TMEM132B: variants seen among roughly 807,000 people sequenced by gnomAD.
TMEM132B encodes transmembrane protein 132B.
TMEM132B carries 18 observed loss-of-function variants against 90.8 expected under a neutral mutation model. The ratio of observed to expected loss-of-function variants is 0.20; its 90% confidence interval spans 0.14 to 0.29. The LOEUF (loss-of-function observed/expected upper bound fraction) is 0.29. TMEM132B is among the 10% of genes least tolerant of loss of function. The pLI is 1.00. For missense variants in TMEM132B, 1,096 were observed against 1,326.8 expected, an observed-to-expected ratio of 0.83 and a Z score of 2.70; for synonymous variants, 504 against 523.3, an observed-to-expected ratio of 0.96 and a Z score of 0.50.
intron 1 of TMEM132B, among the ~76,000 whole-genome samples, chr12:125,243,543 T>G (rs1264890003): frequency 6.6e-6 from 1 of 152,040 alleles, no homozygotes; most frequent in East Asian, 1.9e-4. Context: ...TGACCTCGAG[T>G]GATCTGCCTG....
chr12:125,252,779 C>T (rs1874344944), intron 1 of TMEM132B, among the ~76,000 whole-genome samples: 1 of 152,132 alleles, frequency 6.6e-6, no homozygotes, highest in Non-Finnish European at 1.5e-5. Flanking sequence ...GGCTCAGTAC[C>T]CACAGTTCCT....
rs375203666 is a variant in TMEM132B at position 125,449,257 on chromosome 12, G to A, written c.1106+33580G>A. The stretch of plus-strand genomic sequence containing the variant: ...GCTGGGATTACAGGCGTGAGCCACC[G>A]CGCCTGGCCCATTCATATATCTTTG... On this transcript the variant is annotated intron_variant, in intron 3 of 8. Coordinates refer to ENST00000682704, the MANE Select transcript of TMEM132B (RefSeq NM_001366854.1). Among the ~76,000 whole-genome samples, 54 of 152,266 alleles carry A rather than the reference G, an allele frequency of 3.5e-4. No homozygotes were observed. In the East Asian group the frequency reaches 4.0e-3, roughly 11 times the overall value.
rs1230890329 is a variant in TMEM132B, at chr12:125,246,619, G to C, written c.67+59753G>C. Among the ~76,000 whole-genome samples the C allele has an allele frequency of 1.3e-5, 2 of 152,214 alleles. No individual in the cohort carries two copies. The highest frequency in any genetic ancestry group is 4.8e-5 in the African/African-American group (2 of 41,444). Reference sequence around the variant, plus strand: ...GTTCAGCGTCTCCAGCACACACAGTGCCATTTAAAGAGGAAGCCCTGGTTC... The same window carrying C: ...GTTCAGCGTCTCCAGCACACACAGTCCCATTTAAAGAGGAAGCCCTGGTTC... On this transcript the variant is annotated intron_variant, in intron 1 of 8. Coordinates refer to ENST00000682704, the MANE Select transcript of TMEM132B (RefSeq NM_001366854.1). The surrounding 1 kb of genome is among the most constrained non-coding windows in gnomAD (Gnocchi z 4.2).
intron 5 of TMEM132B, among the ~76,000 whole-genome samples, chr12:125,607,858 T>C (rs1885733887): frequency 6.6e-6 from 1 of 152,218 alleles, no homozygotes; most frequent in Non-Finnish European, 1.5e-5. Context: ...AATCATACAA[T>C]ATTTTGGTCT....
At chr12:125,602,905 G>A (rs1164207883) in intron 5 of TMEM132B, among the ~76,000 whole-genome samples, 1 of 152,114 alleles carries the variant, frequency 6.6e-6, no homozygotes, top group Non-Finnish European at 1.5e-5. Flanking sequence ...CAGCTGAAAA[G>A]GGATATGAAG....
At chr12:125,317,753 C>T (rs1464701623) in intron 1 of TMEM132B, among the ~76,000 whole-genome samples, 1 of 152,116 alleles carries the variant, frequency 6.6e-6, no homozygotes, top group East Asian at 1.9e-4. Context: ...TTTGAGGGGC[C>T]CCAGACCTGC....
chr12:125,428,425 C>T (rs115314249), intron 3 of TMEM132B, among the ~76,000 whole-genome samples: 1,695 of 151,914 alleles, frequency 0.011, 30 homozygotes, highest in African/African-American at 0.038. Context: ...ATTGTTTTGA[C>T]CTATTTATTG....
chr12:125,332,583 C>CTTTTTTTT lies in TMEM132B; in HGVS notation c.68-16841_68-16834dup, dbSNP rs201828438. On this transcript the variant is annotated intron_variant, in intron 1 of 8. Coordinates refer to ENST00000682704, the MANE Select transcript of TMEM132B (RefSeq NM_001366854.1). ...CTGAGAAATTAATTCAGAGAGTTGGCTTTTTTTTTTTTTTTTTTTTTTTTT... is the reference window on the plus strand; with the variant it reads ...CTGAGAAATTAATTCAGAGAGTTGGCTTTTTTTTTTTTTTTTTTTTTTTTTTTTTTTTT... 1.5e-4 allele frequency among the ~76,000 whole-genome samples: 8 copies of CTTTTTTTT among 52,416 alleles called. 2 individuals are homozygous for CTTTTTTTT. The East Asian group carries it at 4.6e-3, about 30-fold the overall frequency. 34.4% of individuals were successfully genotyped at this position (52,416 alleles called of 152,430 possible). A position where few individuals can be genotyped will look rare whatever the true frequency, so the allele number is the denominator to read the frequency against.
Position 125,605,284 on chromosome 12 carries a change from T to A in TMEM132B, c.1437+21290T>A, listed in dbSNP as rs114901711. Among the ~76,000 whole-genome samples the A allele has an allele frequency of 2.3e-3, 357 of 152,332 alleles. 1 individual carries two copies. The highest frequency in any genetic ancestry group is 8.1e-3 in the African/African-American group (336 of 41,574). On this transcript the variant is annotated intron_variant, in intron 5 of 8. Coordinates refer to ENST00000682704, the MANE Select transcript of TMEM132B (RefSeq NM_001366854.1). Reference sequence around the variant, plus strand: ...TGAGTGGGTGGTTAGCAATCATCTTTATATCGGGACACATTCCCTTGGTAC... The same window carrying A: ...TGAGTGGGTGGTTAGCAATCATCTTAATATCGGGACACATTCCCTTGGTAC...
chr12:125,541,417 A>G (rs1395329425), intron 4 of TMEM132B, among the ~76,000 whole-genome samples: 1 of 152,118 alleles, frequency 6.6e-6, no homozygotes, highest in Non-Finnish European at 1.5e-5. Context: ...CACTGGACAG[A>G]TGTTCACTAA....
At chr12:125,427,088 G>A (rs146541492) in intron 3 of TMEM132B, among the ~76,000 whole-genome samples, 1,699 of 152,240 alleles carry the variant, frequency 0.011, 30 homozygotes, top group African/African-American at 0.037. Flanking sequence ...TATTATATTC[G>A]TCTTGCAAAA....
intron 1 of TMEM132B, among the ~76,000 whole-genome samples, chr12:125,328,381 C>G (rs780732277): frequency 6.6e-6 from 1 of 152,228 alleles, no homozygotes; most frequent in Non-Finnish European, 1.5e-5. Flanking sequence ...CCAAATGGGA[C>G]CTGGCTATTC....
At chr12:125,423,987 T>A (rs988282452) in intron 3 of TMEM132B, among the ~76,000 whole-genome samples, 4 of 152,156 alleles carry the variant, frequency 2.6e-5, no homozygotes, top group Non-Finnish European at 5.9e-5. Context: ...TACACACACA[T>A]AAACAATTTT....
At chr12:125,454,380 GTGTGTGTGTGTT>G (rs1430928722) in intron 3 of TMEM132B, among the ~76,000 whole-genome samples, 17 of 142,250 alleles carry the variant, frequency 1.2e-4, no homozygotes, top group Middle Eastern at 3.8e-3. Flanking sequence ...CCAGCCGTGT[GTGTGTGTGTGTT>G]TGTGTGTGTG....
intron 1 of TMEM132B, among the ~76,000 whole-genome samples, chr12:125,340,964 C>G (rs146645358): frequency 1.3e-5 from 2 of 152,336 alleles, no homozygotes; most frequent in African/African-American, 4.8e-5. Context: ...ACCAGAGGAA[C>G]TTCTCTTAGA....
chr12:125,628,438 T>G (rs1886284637), intron 5 of TMEM132B, among the ~76,000 whole-genome samples: 1 of 152,210 alleles, frequency 6.6e-6, no homozygotes, highest in African/African-American at 2.4e-5. Context: ...TTGCCATTTC[T>G]GTCTTCTTTT....
At chr12:125,344,306 T>C (rs1877288879) in intron 1 of TMEM132B, among the ~76,000 whole-genome samples, 1 of 152,202 alleles carries the variant, frequency 6.6e-6, no homozygotes, top group Non-Finnish European at 1.5e-5. Flanking sequence ...ACTCTGGTGC[T>C]GGAAAATCTG....
intron 4 of TMEM132B, among the ~76,000 whole-genome samples, chr12:125,525,310 G>A (rs1566063255): frequency 6.6e-6 from 1 of 152,222 alleles, no homozygotes; most frequent in African/African-American, 2.4e-5. Context: ...AAATTCACGA[G>A]GAAACTCAAT....
chr12:125,348,011 A>G (rs904213146), intron 1 of TMEM132B, among the ~76,000 whole-genome samples: 5 of 152,230 alleles, frequency 3.3e-5, no homozygotes, highest in African/African-American at 1.2e-4. Context: ...TTCTATAGAC[A>G]CACAAACATA....
Sources: allele counts gnomAD v4.1 joint callset (sites outside exome capture counted in the v4.1 genomes callset), GRCh38; gene constraint gnomAD v4.1.1; non-coding constraint Gnocchi (gnomAD v3.1); transcripts MANE v1.5; gene names NCBI Gene and HGNC (gene_info 2026-07-23, HGNC 2026-07-21).